C10orf90: variants seen among roughly 807,000 people sequenced by gnomAD.
C10orf90 encodes (E2-independent) E3 ubiquitin-conjugating enzyme FATS.
Under a neutral mutation model 62.5 loss-of-function variants are expected in C10orf90, and 56 were observed. The observed-to-expected ratio is 0.90, with a 90% CI of 0.72 to 1.12. The LOEUF (loss-of-function observed/expected upper bound fraction) is 1.12, where lower values mean the gene tolerates loss of function less well. Among genes scored for constraint, C10orf90 ranks in the 50% most tolerant of loss-of-function variants. The probability of loss-of-function intolerance (pLI) is 0.00; values close to 1 mark genes in which losing one functional copy is unlikely to be tolerated. For missense variants in C10orf90, 970 were observed against 880.4 expected, an observed-to-expected ratio of 1.10 and a Z score of -1.29; for synonymous variants, 386 against 340.4, an observed-to-expected ratio of 1.13 and a Z score of -1.47.
At chr10:126,465,077 A>C in intron 4 of C10orf90, 91 bp from the exon 5 acceptor site, 2 of 1,383,396 alleles carry the variant, frequency 1.4e-6, no homozygotes, top group South Asian at 2.7e-5. Context: ...TTCTCGGGAC[A>C]GACTTGGGGG....
At chr10:126,643,756 T>C (rs1846111224) in intron 2 of C10orf90, among the ~76,000 whole-genome samples, 1 of 152,242 alleles carries the variant, frequency 6.6e-6, no homozygotes, top group African/African-American at 2.4e-5. Flanking sequence ...AACCCAGAGT[T>C]TGACCTAAAA....
intron 2 of C10orf90, among the ~76,000 whole-genome samples, chr10:126,548,617 G>C (rs144208277): frequency 0.034 from 5,178 of 152,106 alleles, 297 homozygotes; most frequent in African/African-American, 0.12. Context: ...CACCCAACTC[G>C]GCCTCCCAAA....
chr10:126,657,980 G>T (rs1419237767), intron 1 of C10orf90, among the ~76,000 whole-genome samples: 1 of 152,160 alleles, frequency 6.6e-6, no homozygotes, highest in East Asian at 1.9e-4. Flanking sequence ...CATGCTGGGG[G>T]CAGAGGAGGC....
At chr10:126,455,585 A>G (rs1859500128) in intron 7 of C10orf90, among the ~76,000 whole-genome samples, 2 of 152,170 alleles carry the variant, frequency 1.3e-5, no homozygotes, top group African/African-American at 4.8e-5. Context: ...ACTGCTAGAG[A>G]CGTGGGAAGG....
At chr10:126,559,648 C>G (rs1453376961) in intron 2 of C10orf90, among the ~76,000 whole-genome samples, 1 of 152,126 alleles carries the variant, frequency 6.6e-6, no homozygotes, top group South Asian at 2.1e-4. Flanking sequence ...TGGAATTGAT[C>G]GGAAGATGGG....
chr10:126,627,050 A>AGTGCAGTG (rs1427357320), intron 2 of C10orf90, among the ~76,000 whole-genome samples: 1 of 130,842 alleles, frequency 7.6e-6, no homozygotes, highest in Non-Finnish European at 1.5e-5. Flanking sequence ...CCCACGCTGG[A>AGTGCAGTG]GTGCAGTGGT....
chr10:126,654,612 T>C (rs886672151), intron 1 of C10orf90, among the ~76,000 whole-genome samples: 1 of 152,236 alleles, frequency 6.6e-6, no homozygotes, highest in African/African-American at 2.4e-5. Flanking sequence ...CTGTGTTCAC[T>C]GGAGTAGCAC....
chr10:126,555,721 A>AAATAAAT (rs1283496457), intron 2 of C10orf90, among the ~76,000 whole-genome samples: 23 of 94,120 alleles, frequency 2.4e-4, no homozygotes, highest in Non-Finnish European at 5.2e-4. Context: ...AATAAATAAA[A>AAATAAAT]ATTAAATAAA....
chr10:126,656,651 G>C (rs755782496), intron 1 of C10orf90, among the ~76,000 whole-genome samples: 5 of 152,216 alleles, frequency 3.3e-5, no homozygotes, highest in Non-Finnish European at 5.9e-5. Context: ...CAACGCTATA[G>C]CTTTAGAGAG....
chr10:126,544,166 C>T (rs1864437754), intron 2 of C10orf90, among the ~76,000 whole-genome samples: 1 of 152,220 alleles, frequency 6.6e-6, no homozygotes. Context: ...CTGGGACCAA[C>T]CAAAGACTTT....
intron 6 of C10orf90, among the ~76,000 whole-genome samples, chr10:126,460,935 C>T (rs1859932355): frequency 6.6e-6 from 1 of 152,102 alleles, no homozygotes; most frequent in Non-Finnish European, 1.5e-5. Flanking sequence ...TTTTATAAAA[C>T]AATTGGGAAA....
intron 3 of C10orf90, among the ~76,000 whole-genome samples, chr10:126,510,508 G>C (rs1863040515): frequency 6.6e-6 from 1 of 152,138 alleles, no homozygotes; most frequent in Non-Finnish European, 1.5e-5. Context: ...AAAATTAACT[G>C]ACATCAGATT....
At chr10:126,490,192 A>C (rs1861691568) in intron 4 of C10orf90, among the ~76,000 whole-genome samples, 1 of 146,690 alleles carries the variant, frequency 6.8e-6, no homozygotes, top group Non-Finnish European at 1.5e-5. Flanking sequence ...TTAGAATATC[A>C]ACCTTAACAG....
chr10:126,631,229 C>T (rs1349863463), intron 2 of C10orf90, among the ~76,000 whole-genome samples: 1 of 152,210 alleles, frequency 6.6e-6, no homozygotes, highest in Non-Finnish European at 1.5e-5. Context: ...AAACTCGCCA[C>T]TGTTACCTCA....
intron 8 of C10orf90, among the ~76,000 whole-genome samples, chr10:126,427,165 G>A (rs2133971825): frequency 6.6e-6 from 1 of 152,334 alleles, no homozygotes; most frequent in South Asian, 2.1e-4. Context: ...ACAGTGCCTA[G>A]CACTCTGTAG....
At chr10:126,665,685 A>G (rs1340949133) in intron 1 of C10orf90, among the ~76,000 whole-genome samples, 2 of 152,180 alleles carry the variant, frequency 1.3e-5, no homozygotes, top group Non-Finnish European at 2.9e-5. Flanking sequence ...GGTGAGTCCT[A>G]CAATTGTCCC....
chr10:126,539,091 C>CCCCCACAGT (rs561351712), intron 2 of C10orf90, among the ~76,000 whole-genome samples: 214 of 152,282 alleles, frequency 1.4e-3, no homozygotes, highest in Admixed American at 3.8e-3. Context: ...CTGGAGGCAG[C>CCCCCACAGT]CCCCACAGTC....
chr10:126,549,478 A>G (rs1330229140), intron 2 of C10orf90, among the ~76,000 whole-genome samples: 1 of 152,200 alleles, frequency 6.6e-6, no homozygotes, highest in Non-Finnish European at 1.5e-5. Context: ...CCACATACCT[A>G]TCAGCATGGC....
At chr10:126,550,245 C>T (rs192033962) in intron 2 of C10orf90, among the ~76,000 whole-genome samples, 4 of 152,016 alleles carry the variant, frequency 2.6e-5, no homozygotes, top group African/African-American at 7.2e-5. Flanking sequence ...CATGAGCCAC[C>T]GCGCCTGGCT....
Sources: allele counts gnomAD v4.1 joint callset (sites outside exome capture counted in the v4.1 genomes callset), GRCh38; gene constraint gnomAD v4.1.1; transcripts MANE v1.5; gene names NCBI Gene and HGNC (gene_info 2026-07-23, HGNC 2026-07-21).